The following RCOR1 variants were observed in gnomAD, a reference collection of about 807,000 sequenced individuals.
The protein encoded by RCOR1 is REST corepressor.
RCOR1 carries 12 observed loss-of-function variants against 64.0 expected under a neutral mutation model. That is an observed-to-expected ratio of 0.19 (90% CI 0.12 to 0.30). The LOEUF is 0.30. Ranked by LOEUF, RCOR1 falls within the 10% of genes least tolerant of loss-of-function variation. RCOR1 has a pLI of 1.00. For missense variants in RCOR1, 502 were observed against 621.2 expected (o/e 0.81, Z 2.04); for synonymous variants, 279 against 227.2 (o/e 1.23, Z -2.05).
chr14:102,712,679 T>G (rs1566711551), intron 7 of RCOR1, among the ~76,000 whole-genome samples: 1 of 150,436 alleles, frequency 6.6e-6, no homozygotes, highest in African/African-American at 2.4e-5. Flanking sequence ...TTTTTTTTTT[T>G]GGTTGTATAT....
intron 2 of RCOR1, among the ~76,000 whole-genome samples, chr14:102,660,450 A>G (rs989258612): frequency 1.3e-5 from 2 of 151,100 alleles, no homozygotes; most frequent in East Asian, 1.9e-4. Context: ...AGCTTGATGT[A>G]TGATCATGGC....
At chr14:102,632,817 C>G (rs1894156279) in intron 2 of RCOR1, among the ~76,000 whole-genome samples, 1 of 119,594 alleles carries the variant, frequency 8.4e-6, no homozygotes, top group Non-Finnish European at 1.6e-5. Flanking sequence ...TCTCCTCTTT[C>G]TTTTCTTTTT....
chr14:102,650,946 T>C (rs1567422027), intron 2 of RCOR1: 1 of 764,850 alleles, frequency 1.3e-6, no homozygotes, highest in Non-Finnish European at 1.6e-6. Flanking sequence ...TTATTACTAA[T>C]AATTCCTGTA....
chr14:102,604,766 G>T (rs12897565), intron 2 of RCOR1, among the ~76,000 whole-genome samples: 4,647 of 152,016 alleles, frequency 0.031, 98 homozygotes, highest in Non-Finnish European at 0.045. Context: ...TTTTAGAGAG[G>T]GTCAGCCAGA....
intron 8 of RCOR1, among the ~76,000 whole-genome samples, chr14:102,717,323 CAACT>C (rs1212363560): frequency 2.0e-5 from 3 of 152,152 alleles, no homozygotes; most frequent in East Asian, 3.8e-4. Flanking sequence ...AACAGTAGAC[CAACT>C]GTCATCTCAT....
At chr14:102,659,093 G>C (rs1894780946) in intron 2 of RCOR1, 1 of 982,858 alleles carries the variant, frequency 1.0e-6, no homozygotes, top group Admixed American at 6.2e-5. Context: ...CCACGAGGAA[G>C]CTGCTTTTTC....
chr14:102,639,831 TATTCATTC>T (rs34567389), intron 2 of RCOR1, among the ~76,000 whole-genome samples: 63 of 147,384 alleles, frequency 4.3e-4, no homozygotes, highest in Middle Eastern at 3.5e-3. Flanking sequence ...GAGCTCAGCC[TATTCATTC>T]ATTCATTCAT....
At chr14:102,699,755 AT>A (rs397853295) in intron 3 of RCOR1, among the ~76,000 whole-genome samples, 17,289 of 143,562 alleles carry the variant, frequency 0.12, 1,426 homozygotes, top group African/African-American at 0.24. Flanking sequence ...ATGCTCCTTG[AT>A]TTTTTTTTTT....
In RCOR1 at chr14:102,706,114, CAAAAAAAA is replaced by C. The variant is rs71119732; in HGVS notation, c.499-1216_499-1209del. ...GGGCAAGGAGAGTGAAACCCTGTCT[CAAAAAAAA>C]AAAAAAAAAAAAAAAAAAAACCTAA... On this transcript the variant is annotated intron_variant, in intron 4 of 11. Transcript: ENST00000262241. 5.6e-4 allele frequency among the ~76,000 whole-genome samples: 12 copies of C among 21,334 alleles called. No homozygotes were observed. In the South Asian group the frequency reaches 9.8e-3, roughly 17 times the overall value. The allele number at this position is 21,334 out of a possible 152,430, so 14.0% of individuals were successfully genotyped here. A position where few individuals can be genotyped will look rare whatever the true frequency, so the allele number is the denominator to read the frequency against.
intron 2 of RCOR1, among the ~76,000 whole-genome samples, chr14:102,660,854 A>G (rs1894812470): frequency 6.6e-6 from 1 of 152,178 alleles, no homozygotes; most frequent in Non-Finnish European, 1.5e-5. Flanking sequence ...TAATATTATA[A>G]GGATAGATAT....
chr14:102,658,828 T>C (rs1461717944), intron 2 of RCOR1, among the ~76,000 whole-genome samples: 1 of 152,236 alleles, frequency 6.6e-6, no homozygotes, highest in Non-Finnish European at 1.5e-5. Flanking sequence ...TTCACATGAC[T>C]AGACTAGGGT....
At chr14:102,673,977 A>C (rs779262889) in intron 2 of RCOR1, among the ~76,000 whole-genome samples, 92 of 151,962 alleles carry the variant, frequency 6.1e-4, no homozygotes, top group Non-Finnish European at 1.0e-3. Flanking sequence ...TGTAGTAACT[A>C]TCTATGTTAT....
intron 2 of RCOR1, among the ~76,000 whole-genome samples, chr14:102,677,367 G>T (rs1284016897): frequency 7.0e-6 from 1 of 143,744 alleles, no homozygotes; most frequent in Non-Finnish European, 1.5e-5. Flanking sequence ...TCCCGGACGG[G>T]GTGGCTGCCG....
chr14:102,708,707 T>C, intron 6 of RCOR1, 124 bp downstream of exon 6: 1 of 641,004 alleles, frequency 1.6e-6, no homozygotes, highest in Non-Finnish European at 2.8e-6. Flanking sequence ...CACATGTTCA[T>C]GAGATGTATT....
At chr14:102,651,722 T>C (rs1370998741) in intron 2 of RCOR1, among the ~76,000 whole-genome samples, 1 of 152,208 alleles carries the variant, frequency 6.6e-6, no homozygotes, top group Non-Finnish European at 1.5e-5. Context: ...TATTTATTTA[T>C]AGAGACAGGG....
At chr14:102,597,269 CT>C (rs1157283923) in intron 2 of RCOR1, among the ~76,000 whole-genome samples, 1 of 151,588 alleles carries the variant, frequency 6.6e-6, no homozygotes, top group Non-Finnish European at 1.5e-5. Flanking sequence ...TTTTTCTTTT[CT>C]TTTTTTATTA....
intron 2 of RCOR1, among the ~76,000 whole-genome samples, chr14:102,641,302 T>C (rs987066408): frequency 6.0e-5 from 9 of 151,210 alleles, no homozygotes; most frequent in Admixed American, 5.3e-4. Flanking sequence ...TATTCAATAA[T>C]AAATAATATT....
At chr14:102,699,164 C>T (rs1463587579) in intron 3 of RCOR1, among the ~76,000 whole-genome samples, 21 of 152,196 alleles carry the variant, frequency 1.4e-4, no homozygotes, top group Admixed American at 1.2e-3. Flanking sequence ...GGATTACAGG[C>T]GTGAGCCACC....
intron 2 of RCOR1, chr14:102,662,391 G>A: frequency 1.8e-6 from 1 of 563,378 alleles, no homozygotes. Context: ...TTGATCTGGT[G>A]CCTGTTGGCT....
Sources: allele counts gnomAD v4.1 joint callset (sites outside exome capture counted in the v4.1 genomes callset), GRCh38; gene constraint gnomAD v4.1.1; transcripts MANE v1.5; gene names NCBI Gene and HGNC (gene_info 2026-07-23, HGNC 2026-07-21).